POLE: variants seen among roughly 807,000 people sequenced by gnomAD.
POLE encodes DNA polymerase epsilon, catalytic subunit, also known as DNA polymerase epsilon catalytic subunit A.
In POLE, 188 loss-of-function variants were observed where a neutral mutation model predicts 279.2. That is an observed-to-expected ratio of 0.67 (90% CI 0.60 to 0.76). The LOEUF (loss-of-function observed/expected upper bound fraction) is 0.76. POLE is among the 30% of genes least tolerant of loss of function. The probability of loss-of-function intolerance (pLI) is 0.00; values close to 1 mark genes in which losing one functional copy is unlikely to be tolerated. For missense variants in POLE, 2,703 were observed against 3,016.7 expected, an observed-to-expected ratio of 0.90 and a Z score of 2.44; for synonymous variants, 1,214 against 1,172.5, an observed-to-expected ratio of 1.04 and a Z score of -0.72.
At chr12:132,672,552 T>C (rs994871876) in intron 15 of POLE, 75 bp downstream of exon 15, 6 of 1,472,964 alleles carry the variant, frequency 4.1e-6, no homozygotes, top group Admixed American at 1.7e-5. Flanking sequence ...GGGGCTTTAT[T>C]TCAGCCCCTG....
intron 32 of POLE, among the ~76,000 whole-genome samples, chr12:132,645,785 G>C (rs538102451): frequency 5.9e-5 from 7 of 118,644 alleles, no homozygotes; most frequent in South Asian, 2.8e-4. Flanking sequence ...AAATTAGACC[G>C]ACACACACAC....
rs866254631 is a variant in POLE at position 132,675,990 on chromosome 12, T to A, written c.1020+104A>T. The A allele has an allele frequency of 1.1e-6, 1 of 940,924 alleles. No homozygotes were observed. The highest frequency in any genetic ancestry group is 1.5e-5 in the South Asian group (1 of 67,644). 58.3% of individuals were successfully genotyped at this position (940,924 alleles called of 1,614,324 possible). The stretch of plus-strand genomic sequence containing the variant: ...GGTCATACCCTGAGAACAAAGCTCA[T>A]GGAGCTGCAATTCTGATCTGACGGA... On this transcript the variant is annotated intron_variant, in intron 10 of 48. Transcript: ENST00000320574. The surrounding 1 kb of genome is among the most constrained non-coding windows in gnomAD (Gnocchi z 4.3).
Position 132,675,348 on chromosome 12 carries a change from A to G in POLE, c.1226+50T>C, listed in dbSNP as rs765427344. 2.8e-5 allele frequency: 44 copies of G among 1,597,416 alleles called. No homozygotes were observed. Among genetic ancestry groups the G allele is most frequent in the Middle Eastern group, 3.3e-4 (2 of 5,978 alleles). ...AGCACAGTCTGCAAGAGGCCTTCAG[A>G]TCTCGCTCACGGACAGCAGTGAGGA... On this transcript the variant is annotated intron_variant, in intron 12 of 48. Transcript: ENST00000320574. This position sits in a 1 kb window ranked among gnomAD's most constrained non-coding sequence, Gnocchi z 4.3.
chr12:132,649,390 G>C lies in POLE; in HGVS notation c.3921C>G (p.Ile1307Met), dbSNP rs1555223944. Residue 1307 changes from isoleucine (I) to methionine (M), a missense_variant, in exon 31 of 49, where the codon ATC (isoleucine) becomes ATG (methionine). Physicochemically the swap from Ile to Met is conservative, Grantham distance 10. This residue lies in a region of POLE where 1,551 missense variants were observed against 1,686.1 expected (regional missense o/e 0.92). Coordinates refer to ENST00000320574, the MANE Select transcript of POLE (RefSeq NM_006231.4). ...SAEGVLRPGA[I>M]RDGPATGLGS... is the part of the protein sequence containing the mutation. Reference sequence around the variant, plus strand: ...CCAGCCCCGTGGCAGGACCATCCCGGATGGCCCCGGGCCTGAGCACACCCT... The same window carrying C: ...CCAGCCCCGTGGCAGGACCATCCCGCATGGCCCCGGGCCTGAGCACACCCT... 2 of 1,613,206 alleles carry C rather than the reference G, an allele frequency of 1.2e-6. No individual in the cohort carries two copies. The highest frequency in any genetic ancestry group is 2.2e-5 in the South Asian group (2 of 91,078).
rs1565932038 is a variant in POLE, at chr12:132,638,085, G to A, written c.5607C>T (p.Asn1869=). The stretch of plus-strand genomic sequence containing the variant: ...GCTTCTTTGTACAGAGGATGATGCG[G>A]TTGAAGTTGGCGTAGATGACTGATG... ...LGSSVIYANF[N]RIILCTKKRR... The change falls in exon 41 of 49, where the codon AAC becomes AAT. Residue 1869 remains asparagine (N), a synonymous_variant. Transcript: ENST00000320574. 6.2e-7 allele frequency: 1 copy of A among 1,614,038 alleles called. No individual in the cohort carries two copies. The highest frequency in any genetic ancestry group is 2.2e-5 in the East Asian group (1 of 44,888).
rs767612904 is a variant in POLE, at chr12:132,677,439, T to C, written c.725A>G (p.His242Arg). The C allele has an allele frequency of 2.5e-6, 4 of 1,613,822 alleles. No individual in the cohort carries two copies. Among genetic ancestry groups the C allele is most frequent in the East Asian group, 2.2e-5 (1 of 44,898 alleles). Residue 242 changes from histidine to arginine, a missense_variant, in exon 8 of 49, where the codon CAT becomes CGT. His to Arg is a conservative substitution (Grantham distance 29). Transcript: ENST00000320574. ...TCCTCGGTATCTGACATTGTACCAATGAGCCTGCAAAACACACAGTGTGCT... is the reference window on the plus strand; with the variant it reads ...TCCTCGGTATCTGACATTGTACCAACGAGCCTGCAAAACACACAGTGTGCT... Reference protein sequence around the residue: ...LSIDLKIHVAHWYNVRYRGNA... With the variant: ...LSIDLKIHVARWYNVRYRGNA...
intron 1 of POLE, among the ~76,000 whole-genome samples, chr12:132,682,294 A>AT (rs1303988479): frequency 1.4e-4 from 9 of 62,306 alleles, no homozygotes; most frequent in Non-Finnish European, 3.4e-4. Context: ...ACTCCGGCAA[A>AT]AAAAAAAAAA....
rs1416105204 is a variant in POLE at position 132,638,876 on chromosome 12, G to A, written c.5552+249C>T. 5 of 523,288 alleles carry A rather than the reference G, an allele frequency of 9.6e-6. No individual in the cohort carries two copies. In the East Asian group the frequency reaches 1.3e-4, roughly 13 times the overall value. 32.4% of individuals were successfully genotyped at this position (523,288 alleles called of 1,614,324 possible). ...AACAAGGCACACAGCAATACAATGT[G>A]TAGCATGACTTTGTGCAGGAAAGGG... On this transcript the variant is annotated intron_variant, in intron 40 of 48. Transcript: ENST00000320574.
chr12:132,637,183 G>A (rs2042051052), intron 41 of POLE, among the ~76,000 whole-genome samples: 1 of 152,224 alleles, frequency 6.6e-6, no homozygotes, highest in Non-Finnish European at 1.5e-5. Context: ...AATTAATCCA[G>A]TGCATATGGT....
At position 132,649,288 on chromosome 12, in the gene POLE, T is replaced by A. The variant is rs2042360809; in HGVS notation, c.4005+18A>T. Reference sequence around the variant, plus strand: ...CATCAGCAGAGCCACTGCCCTCCCCTTGGATCAAGGTCTATACCTGCACAA... The same window carrying A: ...CATCAGCAGAGCCACTGCCCTCCCCATGGATCAAGGTCTATACCTGCACAA... On this transcript the variant is annotated intron_variant, in intron 31 of 48. Transcript: ENST00000320574. 1 of 1,608,456 alleles carries A rather than the reference T, an allele frequency of 6.2e-7. No individual in the cohort carries two copies. The highest frequency in any genetic ancestry group is 1.3e-5 in the African/African-American group (1 of 74,930).
chr12:132,642,534 A>G lies in POLE; in HGVS notation c.4924T>C (p.Cys1642Arg), dbSNP rs1593730686. ...CTCATCTCGAAGGCCTGCGACAGGCAGGTGTCCAGGTTGAGGTAGTGACGG... is the reference window on the plus strand; with the variant it reads ...CTCATCTCGAAGGCCTGCGACAGGCGGGTGTCCAGGTTGAGGTAGTGACGG... ...MIRHYLNLDT[C>R]LSQAFEMSRY... The change falls in exon 37 of 49, where the codon TGC (cysteine) becomes CGC (arginine). Residue 1642 changes from cysteine to arginine, a missense_variant. This residue lies in a region of POLE where 1,551 missense variants were observed against 1,686.1 expected (regional missense o/e 0.92). Coordinates refer to ENST00000320574, the MANE Select transcript of POLE (RefSeq NM_006231.4). 1 of 1,613,696 alleles carries G rather than the reference A, an allele frequency of 6.2e-7. No individual in the cohort carries two copies. The highest frequency in any genetic ancestry group is 8.5e-7 in the Non-Finnish European group (1 of 1,180,022).
At chr12:132,680,124 C>A in intron 4 of POLE, 54 bp downstream of exon 4, 1 of 1,597,900 alleles carries the variant, frequency 6.3e-7, no homozygotes. Context: ...GTTGCAAAGC[C>A]CACCACAGAA....
chr12:132,637,458 T>C (rs977228286), intron 41 of POLE, among the ~76,000 whole-genome samples: 2 of 152,196 alleles, frequency 1.3e-5, no homozygotes, highest in African/African-American at 2.4e-5. Context: ...TGGAGATTTT[T>C]CTGTTGCTTT....
At chr12:132,640,338 C>G (rs943433851) in intron 39 of POLE, among the ~76,000 whole-genome samples, 8 of 152,190 alleles carry the variant, frequency 5.3e-5, no homozygotes, top group Admixed American at 4.6e-4. Context: ...TCTGAAGAGG[C>G]AGGGGCTGCC....
intron 29 of POLE, chr12:132,651,330 C>T (rs866395810): frequency 2.6e-5 from 4 of 152,136 alleles, no homozygotes; most frequent in East Asian, 1.9e-4. Flanking sequence ...GAATGACAAG[C>T]GCCTACTTTT....
At position 132,634,765 on chromosome 12, in the gene POLE, C is replaced by T. The variant is rs538756335; in HGVS notation, c.5812-387G>A. ...CGACCCCATCACAGACCCAGCCTCC[C>T]GCGCAGCCTGTGTTCGTGCCACGGC... On this transcript the variant is annotated intron_variant, in intron 42 of 48. Transcript: ENST00000320574. This position sits in a 1 kb window ranked among gnomAD's most constrained non-coding sequence, Gnocchi z 4.0. Among the ~76,000 whole-genome samples the T allele has an allele frequency of 2.0e-5, 3 of 152,288 alleles. No homozygotes were observed. The highest frequency in any genetic ancestry group is 2.9e-5 in the Non-Finnish European group (2 of 68,016).
rs113307290 is a variant in POLE at position 132,657,130 on chromosome 12, C to T, written c.3582+6G>A. 9.9e-6 allele frequency: 16 copies of T among 1,613,746 alleles called. No homozygotes were observed. In the Admixed American group the frequency reaches 1.2e-4, roughly 12 times the overall value. On this transcript the variant is annotated splice_donor_region_variant and intron_variant, in intron 29 of 48. Coordinates refer to ENST00000320574, the MANE Select transcript of POLE (RefSeq NM_006231.4). ...GCCCAGCCCAGCCTTGGGGCCCCAC[C>T]GTCACCTGTCTCCTGCCCTCCAGGG...
At chr12:132,672,120 C>G in intron 16 of POLE, 95 bp downstream of exon 16, 1 of 842,016 alleles carries the variant, frequency 1.2e-6, no homozygotes, top group Non-Finnish European at 2.0e-6. Context: ...CAGCACCACA[C>G]GCAGCAGGTG....
rs2042360809 is a variant in POLE, at chr12:132,649,288, T to C, written c.4005+18A>G. On this transcript the variant is annotated intron_variant, in intron 31 of 48. Transcript: ENST00000320574. The stretch of plus-strand genomic sequence containing the variant: ...CATCAGCAGAGCCACTGCCCTCCCC[T>C]TGGATCAAGGTCTATACCTGCACAA... 1 of 1,608,456 alleles carries C rather than the reference T, an allele frequency of 6.2e-7. No individual in the cohort carries two copies. The highest frequency in any genetic ancestry group is 8.5e-7 in the Non-Finnish European group (1 of 1,175,740).
Sources: allele counts gnomAD v4.1 joint callset (sites outside exome capture counted in the v4.1 genomes callset), GRCh38; gene constraint gnomAD v4.1.1; regional missense constraint gnomAD v4.1.1; non-coding constraint Gnocchi (gnomAD v3.1); transcripts MANE v1.5; gene names NCBI Gene and HGNC (gene_info 2026-07-23, HGNC 2026-07-21).